The following SLAIN1 variants were observed in gnomAD, a reference collection of about 807,000 sequenced individuals.
SLAIN1 encodes the protein SLAIN family member 1, also known as SLAIN motif-containing protein 1.
SLAIN1 carries 17 observed loss-of-function variants against 55.4 expected under a neutral mutation model. The observed-to-expected ratio is 0.31, with a 90% CI of 0.21 to 0.46. The LOEUF (loss-of-function observed/expected upper bound fraction) is 0.46. Ranked by LOEUF, SLAIN1 falls within the 20% of genes least tolerant of loss-of-function variation. SLAIN1 has a pLI of 1.00. For missense variants in SLAIN1, 682 were observed against 785.1 expected, an observed-to-expected ratio of 0.87 and a Z score of 1.57; for synonymous variants, 348 against 337.4, an observed-to-expected ratio of 1.03 and a Z score of -0.35.
At chr13:77,753,085 C>A in intron 4 of SLAIN1, 118 bp from the exon 5 acceptor site, 2 of 934,468 alleles carry the variant, frequency 2.1e-6, no homozygotes, top group Non-Finnish European at 3.0e-6. Context: ...TGATCATCAA[C>A]ATGTAATAAT....
chr13:77,708,293 G>A (rs1030047800), intron 1 of SLAIN1, among the ~76,000 whole-genome samples: 1 of 152,208 alleles, frequency 6.6e-6, no homozygotes, highest in African/African-American at 2.4e-5. Context: ...AAGTGAATGG[G>A]AGTATCTGGA....
chr13:77,715,928 A>G (rs763983925), intron 1 of SLAIN1, among the ~76,000 whole-genome samples: 1 of 152,112 alleles, frequency 6.6e-6, no homozygotes, highest in Non-Finnish European at 1.5e-5. Context: ...ATGAAGTCCA[A>G]TTGATGTTTT....
intron 2 of SLAIN1, chr13:77,741,132 C>T (rs1873408540): frequency 2.6e-5 from 26 of 985,178 alleles, no homozygotes; most frequent in Middle Eastern, 5.2e-4. Context: ...CTGCCGCCCG[C>T]ATCTGTGGGT....
chr13:77,746,878 AT>A (rs1158109721), intron 4 of SLAIN1, 23 bp downstream of exon 4: 30 of 1,557,908 alleles, frequency 1.9e-5, no homozygotes, highest in Non-Finnish European at 2.4e-5. Context: ...CTTTTTTGGT[AT>A]TTGATATGCT....
At chr13:77,756,422 ATAGT>A (rs1202863103) in intron 5 of SLAIN1, among the ~76,000 whole-genome samples, 1 of 152,096 alleles carries the variant, frequency 6.6e-6, no homozygotes, top group Non-Finnish European at 1.5e-5. Flanking sequence ...TTATGTTTCT[ATAGT>A]TAAATTAATT....
At chr13:77,756,580 A>G (rs185328665) in intron 5 of SLAIN1, among the ~76,000 whole-genome samples, 54 of 152,248 alleles carry the variant, frequency 3.5e-4, no homozygotes, top group Admixed American at 7.2e-4. Context: ...TGCTAAATTA[A>G]TATCTCCTAA....
intron 1 of SLAIN1, among the ~76,000 whole-genome samples, chr13:77,714,841 C>T (rs1438959923): frequency 6.6e-6 from 1 of 152,062 alleles, no homozygotes; most frequent in Non-Finnish European, 1.5e-5. Flanking sequence ...TATTCTTTCC[C>T]TCCTGATCCT....
chr13:77,741,150 C>T (rs1456773811), intron 2 of SLAIN1: 6 of 985,110 alleles, frequency 6.1e-6, no homozygotes, highest in Middle Eastern at 5.2e-4. Context: ...GGTGAGAACA[C>T]GCAGTTACTG....
chr13:77,734,542 T>G (rs1355849407), intron 2 of SLAIN1, among the ~76,000 whole-genome samples: 1 of 152,136 alleles, frequency 6.6e-6, no homozygotes, highest in Admixed American at 6.6e-5. Context: ...CAGTTTTGCT[T>G]CTGAGTTGGT....
Position 77,704,299 on chromosome 13 carries a change from GTATA to G in SLAIN1, c.626+5765_626+5768del, listed in dbSNP as rs1223054062. ...GAAAATATATACATAGGTTTTATAT[GTATA>G]TATACATAGAAACTGTATATACAGA... On this transcript the variant is annotated intron_variant, in intron 1 of 6. Coordinates refer to ENST00000418532, the MANE Select transcript of SLAIN1 (RefSeq NM_001242868.2). Among the ~76,000 whole-genome samples the G allele has an allele frequency of 1.7e-4, 23 of 134,320 alleles. 8 individuals carry two copies. Among genetic ancestry groups the G allele is most frequent in the African/African-American group, 6.2e-4 (23 of 36,882 alleles). The allele number at this position is 134,320 out of a possible 152,430, so 88.1% of individuals were successfully genotyped here. A position where few individuals can be genotyped will look rare whatever the true frequency, so the allele number is the denominator to read the frequency against.
Position 77,697,745 on chromosome 13 carries a change from C to A in SLAIN1, c.-169C>A. Reference sequence around the variant, plus strand: ...TCAGCTCGGTGGTGGCTGCCGCGGCCGGAGGCGAGGGCCCGGTGCTGATGC... The same window carrying A: ...TCAGCTCGGTGGTGGCTGCCGCGGCAGGAGGCGAGGGCCCGGTGCTGATGC... On this transcript the variant is annotated 5_prime_UTR_variant, in exon 1 of 7. Transcript: ENST00000418532. The A allele has an allele frequency of 4.0e-6, 2 of 502,686 alleles. No homozygotes were observed. The highest frequency in any genetic ancestry group is 2.1e-5 in the African/African-American group (1 of 48,640). 31.1% of individuals were successfully genotyped at this position (502,686 alleles called of 1,614,324 possible).
In SLAIN1 at chr13:77,697,973, G is replaced by A; in HGVS notation, c.60G>A (p.Gly20=). Residue 20 remains glycine, a synonymous_variant, in exon 1 of 7, where the codon GGG becomes GGA. Transcript: ENST00000418532. ...GGGTCAGCTCTGGAGCGGGCTCCGGGCCGGTGGTGAACGCGGAGCTGGAGG... is the reference window on the plus strand; with the variant it reads ...GGGTCAGCTCTGGAGCGGGCTCCGGACCGGTGGTGAACGCGGAGCTGGAGG... The part of the protein sequence containing the change: ...SAGVSSGAGS[G]PVVNAELEVK... 2 of 1,451,162 alleles carry A rather than the reference G, an allele frequency of 1.4e-6. No homozygotes were observed. The highest frequency in any genetic ancestry group is 2.6e-5 in the South Asian group (2 of 77,624). The allele number at this position is 1,451,162 out of a possible 1,614,324, so 89.9% of individuals were successfully genotyped here.
chr13:77,721,186 G>A (rs1000007779), intron 2 of SLAIN1, among the ~76,000 whole-genome samples: 1 of 152,122 alleles, frequency 6.6e-6, no homozygotes, highest in Non-Finnish European at 1.5e-5. Flanking sequence ...GTTCTCATGA[G>A]AGCTGATGGT....
intron 4 of SLAIN1, among the ~76,000 whole-genome samples, chr13:77,751,375 A>G (rs1874200118): frequency 6.6e-6 from 1 of 152,110 alleles, no homozygotes; most frequent in African/African-American, 2.4e-5. Context: ...TCTCTTTAGG[A>G]TCAACAATGG....
chr13:77,728,465 G>A (rs1339420155), intron 2 of SLAIN1, among the ~76,000 whole-genome samples: 3 of 152,142 alleles, frequency 2.0e-5, no homozygotes. Flanking sequence ...CAGAGTAGGT[G>A]TACTTTTCAC....
In SLAIN1 at chr13:77,698,080, C is replaced by T. The variant is rs756284352; in HGVS notation, c.167C>T (p.Ala56Val). The T allele has an allele frequency of 1.6e-6, 2 of 1,264,918 alleles. No individual in the cohort carries two copies. Among genetic ancestry groups the T allele is most frequent in the South Asian group, 4.5e-5 (2 of 44,310 alleles). The allele number at this position is 1,264,918 out of a possible 1,614,324, so 78.4% of individuals were successfully genotyped here. A position where few individuals can be genotyped will look rare whatever the true frequency, so the allele number is the denominator to read the frequency against. Residue 56 changes from alanine (A) to valine (V), a missense_variant, in exon 1 of 7, where the codon GCC (alanine) becomes GTC (valine). Around this residue, in one of 3 missense-constraint regions of SLAIN1, gnomAD observed 401 missense variants for 417.3 expected, o/e 0.96. Coordinates refer to ENST00000418532, the MANE Select transcript of SLAIN1 (RefSeq NM_001242868.2). The surrounding 1 kb of genome is among the most constrained non-coding windows in gnomAD (Gnocchi z 4.1). ...LRSRAASAAA[A>V]PHLLLLPPPP... is the part of the protein sequence containing the mutation. ...AGTCGAGCGGCCAGCGCGGCCGCCG[C>T]CCCGCACCTGCTGCTGCTGCCGCCG...
chr13:77,722,153 T>C (rs2091268551), intron 2 of SLAIN1, among the ~76,000 whole-genome samples: 1 of 151,976 alleles, frequency 6.6e-6, no homozygotes, highest in South Asian at 2.1e-4. Context: ...GTTTTGTTCA[T>C]GATGTAATTT....
chr13:77,735,103 A>G (rs1873056013), intron 2 of SLAIN1, among the ~76,000 whole-genome samples: 1 of 152,190 alleles, frequency 6.6e-6, no homozygotes, highest in Non-Finnish European at 1.5e-5. Flanking sequence ...ATTTCATTAA[A>G]AAAAGTATTA....
At chr13:77,753,161 C>A in intron 4 of SLAIN1, 42 bp from the exon 5 acceptor site, 1 of 1,526,046 alleles carries the variant, frequency 6.6e-7, no homozygotes. Context: ...ACTTTGGTTG[C>A]ATAACATCTG....
Sources: gnomAD v4.1 joint callset for allele counts (sites outside exome capture counted in the v4.1 genomes callset) on GRCh38, gnomAD v4.1.1 for gene constraint, gnomAD v4.1.1 regional missense constraint, Gnocchi (gnomAD v3.1) non-coding constraint, MANE v1.5 for transcripts, NCBI Gene and HGNC (gene_info 2026-07-23, HGNC 2026-07-21) for gene names.